FGFR2: variants seen among roughly 807,000 people sequenced by gnomAD.
FGFR2 encodes fibroblast growth factor receptor 2.
A neutral mutation model predicts 95.9 loss-of-function variants in FGFR2; 19 were observed. The observed-to-expected ratio is 0.20, with a 90% CI of 0.14 to 0.29. FGFR2 has a LOEUF of 0.29. Ranked by LOEUF, FGFR2 falls within the 10% of genes least tolerant of loss-of-function variation. The pLI, the probability that FGFR2 is intolerant of heterozygous loss-of-function variation, is 1.00. For synonymous variants in FGFR2, 392 were observed against 393.3 expected (o/e 1.00, Z 0.04); for missense variants, 707 against 1,056.9 (o/e 0.67, Z 4.59).
Position 121,517,586 on chromosome 10 carries a change from A to G in FGFR2, c.940-123T>C, listed in dbSNP as rs891500230. The G allele has an allele frequency of 9.2e-7, 1 of 1,092,684 alleles. No individual in the cohort carries two copies. The highest frequency in any genetic ancestry group is 1.9e-5 in the Admixed American group (1 of 51,516). 67.7% of individuals were successfully genotyped at this position (1,092,684 alleles called of 1,614,324 possible). ...GGGTGCTGGCCACTGGGAGATTCCG[A>G]CTGCAGCCCATCCACAAAGCCCACA... is the stretch of plus-strand genomic sequence containing the variant. On this transcript the variant is annotated intron_variant, in intron 7 of 17. Coordinates refer to ENST00000358487, the MANE Select transcript of FGFR2 (RefSeq NM_000141.5). The surrounding 1 kb of genome is among the most constrained non-coding windows in gnomAD (Gnocchi z 4.7).
rs1172844728 is a variant in FGFR2, at chr10:121,481,827, C to CTTTTTTTTT, written c.2302-1807_2302-1806insAAAAAAAAA. The CTTTTTTTTT allele has an allele frequency of 5.9e-4, 106 of 179,042 alleles. 10 individuals carry two copies. The highest frequency in any genetic ancestry group is 2.0e-3 in the Middle Eastern group (1 of 502). The allele number at this position is 179,042 out of a possible 1,614,324, so 11.1% of individuals were successfully genotyped here. A position where few individuals can be genotyped will look rare whatever the true frequency, so the allele number is the denominator to read the frequency against. ...CTTTAGTGCTTTTCCCGGTTTCTTT[C>CTTTTTTTTT]TTTTTTATTTTTATTTTTTTTTTTT... On this transcript the variant is annotated intron_variant, in intron 17 of 17. Coordinates refer to ENST00000358487, the MANE Select transcript of FGFR2 (RefSeq NM_000141.5).
rs1845360516 is a variant in FGFR2 at position 121,485,997 on chromosome 10, A to G, written c.2058-465T>C. ...CTGCTGCACAGAGGCTCTGGAACTT[A>G]CTAAGATCGCAAAGGCAATCAGCAC... On this transcript the variant is annotated intron_variant, in intron 15 of 17. Coordinates refer to ENST00000358487, the MANE Select transcript of FGFR2 (RefSeq NM_000141.5). The surrounding 1 kb of genome is among the most constrained non-coding windows in gnomAD (Gnocchi z 4.2). 6.6e-6 allele frequency among the ~76,000 whole-genome samples: 1 copy of G among 152,244 alleles called. No individual in the cohort carries two copies. Among genetic ancestry groups the G allele is most frequent in the Non-Finnish European group, 1.5e-5 (1 of 68,052 alleles).
At chr10:121,490,946 G>C (rs756592618) in intron 13 of FGFR2, among the ~76,000 whole-genome samples, 8 of 152,326 alleles carry the variant, frequency 5.3e-5, no homozygotes, top group Non-Finnish European at 8.8e-5. Context: ...GCTCACAGAA[G>C]CTGCCTGGAG....
intron 2 of FGFR2, among the ~76,000 whole-genome samples, chr10:121,569,224 C>CTTTTTT (rs749808833): frequency 3.6e-5 from 3 of 83,820 alleles, no homozygotes; most frequent in Non-Finnish European, 4.9e-5. Flanking sequence ...CTTTTCTTTT[C>CTTTTTT]TTTTTTTTTT....
intron 15 of FGFR2, among the ~76,000 whole-genome samples, chr10:121,486,726 G>A (rs1286735349): frequency 6.6e-6 from 1 of 152,206 alleles, no homozygotes; most frequent in African/African-American, 2.4e-5. Context: ...TTACAGGTAT[G>A]AGTCACTGCA....
chr10:121,532,339 T>C (rs543958498), intron 6 of FGFR2, among the ~76,000 whole-genome samples: 2 of 152,242 alleles, frequency 1.3e-5, no homozygotes, highest in Admixed American at 1.3e-4. Context: ...ATTTAAATGA[T>C]GCCACCACAG....
chr10:121,538,434 T>C (rs1853189220), intron 6 of FGFR2, 158 bp downstream of exon 6: 6 of 1,121,992 alleles, frequency 5.3e-6, no homozygotes, highest in East Asian at 2.3e-5. Flanking sequence ...TATTGTCAGA[T>C]GACAGAAGCA....
rs41295463 is a variant in FGFR2 at position 121,542,886 on chromosome 10, G to A, written c.625-4171C>T. On this transcript the variant is annotated intron_variant, in intron 5 of 17. Coordinates refer to ENST00000358487, the MANE Select transcript of FGFR2 (RefSeq NM_000141.5). ...TTTAGTTTGTTGACACCAAAACACC[G>A]CAGTGAAAGGTGAAGGGTGAAAGGT... Among the ~76,000 whole-genome samples the A allele has an allele frequency of 4.8e-3, 735 of 152,262 alleles. 6 individuals carry two copies. The highest frequency in any genetic ancestry group is 0.016 in the African/African-American group (650 of 41,554).
chr10:121,558,994 T>C (rs573101940), intron 4 of FGFR2, among the ~76,000 whole-genome samples: 1 of 151,960 alleles, frequency 6.6e-6, no homozygotes, highest in African/African-American at 2.4e-5. Context: ...TGCCTTCTTA[T>C]GTTAACCAAC....
At chr10:121,587,106 A>G (rs986273283) in intron 2 of FGFR2, among the ~76,000 whole-genome samples, 3 of 152,174 alleles carry the variant, frequency 2.0e-5, no homozygotes, top group African/African-American at 4.8e-5. Flanking sequence ...CCTACCGCAC[A>G]CCTACGACCA....
intron 6 of FGFR2, among the ~76,000 whole-genome samples, chr10:121,528,803 C>T (rs1013042725): frequency 2.6e-5 from 4 of 152,248 alleles, no homozygotes; most frequent in Admixed American, 1.3e-4. Flanking sequence ...AACGCCACTG[C>T]TCTTCTCACT....
chr10:121,487,963 G>T, intron 14 of FGFR2, 28 bp downstream of exon 14: 1 of 1,613,678 alleles, frequency 6.2e-7, no homozygotes, highest in Non-Finnish European at 8.5e-7. Flanking sequence ...CCCCGCCCCT[G>T]CCCACTGTGT....
At chr10:121,584,073 G>A (rs1370525707) in intron 2 of FGFR2, among the ~76,000 whole-genome samples, 2 of 151,898 alleles carry the variant, frequency 1.3e-5, no homozygotes, top group African/African-American at 2.4e-5. Flanking sequence ...CTAAAGAAAC[G>A]TGACCTCATC....
chr10:121,546,254 A>G (rs76637773), intron 5 of FGFR2, among the ~76,000 whole-genome samples: 4,239 of 151,790 alleles, frequency 0.028, 126 homozygotes, highest in East Asian at 0.077. Context: ...CGATGGTGAT[A>G]CTATTAAATT....
intron 9 of FGFR2, among the ~76,000 whole-genome samples, chr10:121,514,474 G>T (rs942454715): frequency 6.6e-6 from 1 of 152,090 alleles, no homozygotes; most frequent in Admixed American, 6.5e-5. Context: ...ATCTGTTGCT[G>T]GTTCCATACA....
chr10:121,515,031 G>A (rs371496398), intron 9 of FGFR2, 86 bp downstream of exon 9: 10 of 1,277,678 alleles, frequency 7.8e-6, no homozygotes, highest in African/African-American at 7.4e-5. Flanking sequence ...CACAGAAGTC[G>A]ATGGCATCAA....
intron 2 of FGFR2, among the ~76,000 whole-genome samples, chr10:121,587,598 T>C (rs896211132): frequency 6.6e-6 from 1 of 151,554 alleles, no homozygotes; most frequent in African/African-American, 2.4e-5. Context: ...ACAAAGGACA[T>C]AGACACTTTT....
At chr10:121,583,641 TAGG>T (rs1861296005) in intron 2 of FGFR2, 1 of 153,546 alleles carries the variant, frequency 6.5e-6, no homozygotes, top group African/African-American at 2.4e-5. Flanking sequence ...CAAATGTCTT[TAGG>T]AGAATTCGGT....
chr10:121,491,076 G>A (rs1373691707), intron 13 of FGFR2, among the ~76,000 whole-genome samples: 1 of 152,218 alleles, frequency 6.6e-6, no homozygotes, highest in Non-Finnish European at 1.5e-5. Context: ...TGTGTGTCTG[G>A]CAAGCTGTGT....
Sources: allele counts gnomAD v4.1 joint callset (sites outside exome capture counted in the v4.1 genomes callset), GRCh38; gene constraint gnomAD v4.1.1; non-coding constraint Gnocchi (gnomAD v3.1); transcripts MANE v1.5; gene names NCBI Gene and HGNC (gene_info 2026-07-23, HGNC 2026-07-21).